ABL1: variants seen among roughly 807,000 people sequenced by gnomAD.
The protein encoded by ABL1 is tyrosine-protein kinase ABL1.
ABL1 carries 11 observed loss-of-function variants against 94.7 expected under a neutral mutation model. The ratio of observed to expected loss-of-function variants is 0.12; its 90% confidence interval spans 0.07 to 0.19. The LOEUF is 0.19. Among genes scored for constraint, ABL1 ranks in the 10% least tolerant of loss-of-function variants. ABL1 has a pLI of 1.00. For missense variants in ABL1, 1,082 were observed against 1,489.4 expected (o/e 0.73, Z 4.50); for synonymous variants, 656 against 622.4 (o/e 1.05, Z -0.80).
At position 130,770,894 on chromosome 9, in the gene ABL1, G is replaced by A. The variant is rs144541296; in HGVS notation, c.136+56439G>A. On this transcript the variant is annotated intron_variant, in intron 1 of 10. Transcript: ENST00000372348. ...CCCTTGGGTGAATTACCGACTCTGG[G>A]TCTCACTTACTAACATGAAAGGAGG... 4.7e-3 allele frequency among the ~76,000 whole-genome samples: 708 copies of A among 152,222 alleles called. 7 individuals carry two copies. The highest frequency in any genetic ancestry group is 0.016 in the African/African-American group (677 of 41,540).
At chr9:130,770,320 A>G (rs937807210) in intron 1 of ABL1, among the ~76,000 whole-genome samples, 18 of 152,252 alleles carry the variant, frequency 1.2e-4, no homozygotes, top group Admixed American at 1.0e-3. Context: ...CAGCTTGGGC[A>G]ATGTAGCAAG....
chr9:130,842,552 A>C (rs1369854197), intron 1 of ABL1, among the ~76,000 whole-genome samples: 1 of 152,160 alleles, frequency 6.6e-6, no homozygotes, highest in African/African-American at 2.4e-5. Flanking sequence ...GAGGGTGGGG[A>C]GGGTCATGTT....
At chr9:130,856,473 C>T (rs753668411) in intron 3 of ABL1, among the ~76,000 whole-genome samples, 3 of 152,168 alleles carry the variant, frequency 2.0e-5, no homozygotes, top group African/African-American at 4.8e-5. Context: ...CTGCCCTCCT[C>T]GGCCTCCCAA....
chr9:130,735,987 G>A (rs953174905), intron 1 of ABL1, among the ~76,000 whole-genome samples: 3 of 128,932 alleles, frequency 2.3e-5, no homozygotes, highest in Non-Finnish European at 4.6e-5. Flanking sequence ...ACAGGGTCTG[G>A]CTCTGTTATG....
chr9:130,882,976 GCA>G (rs1271002456), intron 10 of ABL1, among the ~76,000 whole-genome samples: 1 of 151,640 alleles, frequency 6.6e-6, no homozygotes, highest in Non-Finnish European at 1.5e-5. Context: ...GGCTCCCGTG[GCA>G]CAAGCTGGGG....
intron 8 of ABL1, 141 bp from the exon 9 acceptor site, chr9:130,879,927 C>G (rs947460494): frequency 1.5e-5 from 11 of 746,200 alleles, no homozygotes; most frequent in Non-Finnish European, 2.1e-5. Flanking sequence ...TGATGACATT[C>G]ATCGTTTTGA....
rs553025595 is a variant in ABL1, at chr9:130,776,772, A to G, written c.136+62317A>G. On this transcript the variant is annotated intron_variant, in intron 1 of 10. Transcript: ENST00000372348. ...GCTCTTTATTCTTTGTTTGGTTTTA[A>G]TTTGAGACGGGTTCTTCCTATGTTG... 2.4e-3 allele frequency among the ~76,000 whole-genome samples: 369 copies of G among 151,956 alleles called. 1 individual carries two copies. The highest frequency in any genetic ancestry group is 8.2e-3 in the African/African-American group (340 of 41,454).
At chr9:130,723,105 T>C (rs539271553) in intron 1 of ABL1, among the ~76,000 whole-genome samples, 176 of 152,174 alleles carry the variant, frequency 1.2e-3, no homozygotes, top group Non-Finnish European at 1.9e-3. Context: ...AAGATTAAAA[T>C]GGCTACTGAG....
intron 1 of ABL1, among the ~76,000 whole-genome samples, chr9:130,843,020 A>C (rs1379665419): frequency 6.6e-6 from 1 of 152,210 alleles, no homozygotes; most frequent in Non-Finnish European, 1.5e-5. Context: ...CTAGGCTTTT[A>C]TATAGGTTTT....
rs138184471 is a variant in ABL1, at chr9:130,845,891, C to G, written c.80-8173C>G. On this transcript the variant is annotated intron_variant, in intron 1 of 10. Coordinates refer to ENST00000318560, the MANE Select transcript of ABL1 (RefSeq NM_005157.6). ...AAAAAAATTCATCCACAGGACAGCGCTGGCCTTCCGTTAGACTTTTGCTGT... is the reference window on the plus strand; with the variant it reads ...AAAAAAATTCATCCACAGGACAGCGGTGGCCTTCCGTTAGACTTTTGCTGT... Among the ~76,000 whole-genome samples the G allele has an allele frequency of 4.9e-3, 742 of 152,164 alleles. 8 individuals are homozygous for G. The highest frequency in any genetic ancestry group is 0.017 in the African/African-American group (712 of 41,494).
intron 1 of ABL1, chr9:130,724,864 G>C: frequency 2.2e-6 from 1 of 460,044 alleles, no homozygotes; most frequent in Admixed American, 2.2e-5. Context: ...CGCTTCATTC[G>C]CCCAGTCCCT....
chr9:130,803,183 G>GAA (rs1830079208), intron 1 of ABL1, among the ~76,000 whole-genome samples: 1 of 152,098 alleles, frequency 6.6e-6, no homozygotes, highest in Non-Finnish European at 1.5e-5. Flanking sequence ...GGGATTACAG[G>GAA]CCCGCACCAC....
At position 130,835,346 on chromosome 9, in the gene ABL1, CGGGGGCGCCGG is replaced by C. The variant is rs747592287; in HGVS notation, c.-92_-82del. ...CGGCGGTGAGGGCGGCTGGCGGGGC[CGGGGGCGCCGG>C]GGGGGCGCGCGGGCCGAGCCGGGCC... is the stretch of plus-strand genomic sequence containing the variant. On this transcript the variant is annotated 5_prime_UTR_variant, in exon 1 of 11. Coordinates refer to ENST00000318560, the MANE Select transcript of ABL1 (RefSeq NM_005157.6). The surrounding 1 kb of genome is among the most constrained non-coding windows in gnomAD (Gnocchi z 4.6). 1.5e-4 allele frequency: 56 copies of C among 368,988 alleles called. 1 individual carries two copies. Among genetic ancestry groups the C allele is most frequent in the East Asian group, 4.9e-4 (1 of 2,060 alleles). 22.9% of individuals were successfully genotyped at this position (368,988 alleles called of 1,614,324 possible). A position where few individuals can be genotyped will look rare whatever the true frequency, so the allele number is the denominator to read the frequency against.
At chr9:130,748,283 CG>C (rs1400326856) in intron 1 of ABL1, among the ~76,000 whole-genome samples, 1 of 152,140 alleles carries the variant, frequency 6.6e-6, no homozygotes, top group East Asian at 1.9e-4. Flanking sequence ...ACGCCTTTGT[CG>C]TTATACAGTA....
At chr9:130,752,332 CT>C (rs1831976463) in intron 1 of ABL1, among the ~76,000 whole-genome samples, 1 of 152,116 alleles carries the variant, frequency 6.6e-6, no homozygotes, top group South Asian at 2.1e-4. Context: ...TCTGAGGATA[CT>C]TTTATGGAGG....
chr9:130,862,022 G>A lies in ABL1; in HGVS notation c.550-741G>A, dbSNP rs567595434. Among the ~76,000 whole-genome samples the A allele has an allele frequency of 1.3e-5, 2 of 152,282 alleles. No homozygotes were observed. Among genetic ancestry groups the A allele is most frequent in the African/African-American group, 2.4e-5 (1 of 41,550 alleles). On this transcript the variant is annotated intron_variant, in intron 3 of 10. Transcript: ENST00000318560. The surrounding 1 kb of genome is among the most constrained non-coding windows in gnomAD (Gnocchi z 5.5). ...CTGCTGTAGCTCTCACACGGGGACC[G>A]AATGCTCTTGTGTCGTAAATCCTTC...
rs1282328888 is a variant in ABL1 at position 130,886,036 on chromosome 9, T to C, written c.*353T>C. ...GTGGGAACGGCTGATGTGGACTGTCTTTTTCATTTTTTTCTCTCTGGAGCC... is the reference window on the plus strand; with the variant it reads ...GTGGGAACGGCTGATGTGGACTGTCCTTTTCATTTTTTTCTCTCTGGAGCC... On this transcript the variant is annotated 3_prime_UTR_variant, in exon 11 of 11. Transcript: ENST00000318560. 3.5e-6 allele frequency: 1 copy of C among 281,856 alleles called. No homozygotes were observed. Among genetic ancestry groups the C allele is most frequent in the Non-Finnish European group, 6.7e-6 (1 of 149,858 alleles). The allele number at this position is 281,856 out of a possible 1,614,324, so 17.5% of individuals were successfully genotyped here. A position where few individuals can be genotyped will look rare whatever the true frequency, so the allele number is the denominator to read the frequency against.
chr9:130,868,984 G>A (rs1395702657), intron 4 of ABL1, among the ~76,000 whole-genome samples: 1 of 151,960 alleles, frequency 6.6e-6, no homozygotes, highest in Non-Finnish European at 1.5e-5. Flanking sequence ...TGGTTGACAT[G>A]GTGAAACCCC....
rs186344766 is a variant in ABL1, at chr9:130,735,497, C to A, written c.136+21042C>A. On this transcript the variant is annotated intron_variant, in intron 1 of 10. Transcript: ENST00000372348. ...GTGTGGTTTTTTTTTTTTATCCTTC[C>A]AGTGTTCTTTTTTGCAAATACAAGC... Among the ~76,000 whole-genome samples, 4 of 151,220 alleles carry A rather than the reference C, an allele frequency of 2.6e-5. No individual in the cohort carries two copies. The East Asian group carries it at 7.7e-4, about 29-fold the overall frequency.
Sources: allele counts gnomAD v4.1 joint callset (sites outside exome capture counted in the v4.1 genomes callset), GRCh38; gene constraint gnomAD v4.1.1; non-coding constraint Gnocchi (gnomAD v3.1); transcripts MANE v1.5; gene names NCBI Gene and HGNC (gene_info 2026-07-23, HGNC 2026-07-21).